The following TMEM117 variants were observed in gnomAD, a reference collection of about 807,000 sequenced individuals.
TMEM117 encodes transmembrane protein 117.
In TMEM117, 27 loss-of-function variants were observed where a neutral mutation model predicts 52.4. That is an observed-to-expected ratio of 0.51 (90% CI 0.38 to 0.71). The LOEUF (loss-of-function observed/expected upper bound fraction) is 0.71. Among genes scored for constraint, TMEM117 ranks in the 30% least tolerant of loss-of-function variants. The probability of loss-of-function intolerance (pLI) is 0.00; values close to 1 mark genes in which losing one functional copy is unlikely to be tolerated. For missense variants in TMEM117, 556 were observed against 630.5 expected (o/e 0.88, Z 1.26); for synonymous variants, 215 against 206.3 (o/e 1.04, Z -0.36).
At chr12:44,360,040 A>T (rs1951700082) in intron 6 of TMEM117, among the ~76,000 whole-genome samples, 1 of 152,210 alleles carries the variant, frequency 6.6e-6, no homozygotes, top group Admixed American at 6.6e-5. Context: ...GATTTACTTG[A>T]CTGGAACATG....
At chr12:44,170,638 A>G (rs113209647) in intron 4 of TMEM117, among the ~76,000 whole-genome samples, 3 of 152,314 alleles carry the variant, frequency 2.0e-5, no homozygotes, top group African/African-American at 7.2e-5. Context: ...AGCAAGGTCT[A>G]AATAACCAAG....
At chr12:44,201,559 C>T (rs1268598912) in intron 4 of TMEM117, among the ~76,000 whole-genome samples, 1 of 152,068 alleles carries the variant, frequency 6.6e-6, no homozygotes, top group East Asian at 1.9e-4. Context: ...TTATTCTACT[C>T]AAACTATAAA....
At chr12:43,832,747 C>A (rs1279176800), upstream of TMEM117, among the ~76,000 whole-genome samples, 1 of 152,126 alleles carries the variant, frequency 6.6e-6, no homozygotes, top group Non-Finnish European at 1.5e-5. Flanking sequence ...GGTTTCTGAT[C>A]CTTACTCTAC....
chr12:43,814,942 A>T, the TMEM117 span, among the ~76,000 whole-genome samples: 1 of 151,904 alleles, frequency 6.6e-6, no homozygotes, highest in East Asian at 1.9e-4. Flanking sequence ...ACGGGGTTTC[A>T]CCATGTTGGT....
chr12:43,864,947 C>T (rs550430523), intron 2 of TMEM117, among the ~76,000 whole-genome samples: 20 of 152,166 alleles, frequency 1.3e-4, no homozygotes, highest in South Asian at 4.2e-4. Flanking sequence ...GCAAACCCAC[C>T]GGGAGGAACG....
At chr12:44,172,404 C>A (rs952602827) in intron 4 of TMEM117, among the ~76,000 whole-genome samples, 3 of 152,130 alleles carry the variant, frequency 2.0e-5, no homozygotes, top group African/African-American at 7.2e-5. Flanking sequence ...GTAATTCACT[C>A]CCTGCCTCCA....
At chr12:44,086,980 A>C (rs1043995219) in intron 3 of TMEM117, among the ~76,000 whole-genome samples, 1 of 145,292 alleles carries the variant, frequency 6.9e-6, no homozygotes, top group Non-Finnish European at 1.5e-5. Context: ...AAATTATATA[A>C]TATATAATTA....
intron 3 of TMEM117, among the ~76,000 whole-genome samples, chr12:44,026,641 C>T (rs1369515358): frequency 1.3e-5 from 2 of 152,080 alleles, no homozygotes; most frequent in African/African-American, 4.8e-5. Flanking sequence ...AGGACTGGAA[C>T]ACTTTTATTT....
the TMEM117 span, among the ~76,000 whole-genome samples, chr12:43,799,037 T>C: frequency 6.6e-6 from 1 of 152,046 alleles, no homozygotes; most frequent in African/African-American, 2.4e-5. Flanking sequence ...AAAACAATAA[T>C]CTGCTTCAGG....
chr12:44,116,995 G>A lies in TMEM117; in HGVS notation c.411-26530G>A, dbSNP rs186692357. Among the ~76,000 whole-genome samples the A allele has an allele frequency of 7.4e-3, 1,123 of 152,200 alleles. 4 individuals carry two copies. Among genetic ancestry groups the A allele is most frequent in the Non-Finnish European group, 0.013 (858 of 68,002 alleles). ...AATAAAACACAAACTGTATCATCTG[G>A]CATCCAAGCTTAGAATCATTGAAAA... On this transcript the variant is annotated intron_variant, in intron 3 of 7. Coordinates refer to ENST00000266534, the MANE Select transcript of TMEM117 (RefSeq NM_032256.3).
intron 5 of TMEM117, among the ~76,000 whole-genome samples, chr12:44,257,588 G>C (rs2138530339): frequency 6.6e-6 from 1 of 152,158 alleles, no homozygotes; most frequent in South Asian, 2.1e-4. Flanking sequence ...CTCCTGACCA[G>C]AATTTTCACT....
chr12:44,013,722 G>T (rs571115056), intron 3 of TMEM117, among the ~76,000 whole-genome samples: 3 of 152,238 alleles, frequency 2.0e-5, no homozygotes, highest in African/African-American at 7.2e-5. Flanking sequence ...ATCAATTGCA[G>T]CTCAGATTTA....
chr12:44,062,599 G>T (rs770482042), intron 3 of TMEM117, among the ~76,000 whole-genome samples: 1 of 152,290 alleles, frequency 6.6e-6, no homozygotes, highest in Admixed American at 6.5e-5. Flanking sequence ...TTTGTTCCTT[G>T]TGAGAAGGAC....
intron 5 of TMEM117, among the ~76,000 whole-genome samples, chr12:44,228,773 C>T (rs1028625351): frequency 7.9e-5 from 12 of 151,984 alleles, no homozygotes; most frequent in Non-Finnish European, 1.5e-5. Context: ...GCCAGCATAT[C>T]CTATAGGAAG....
the TMEM117 span, among the ~76,000 whole-genome samples, chr12:43,818,046 G>T: frequency 4.6e-5 from 7 of 152,122 alleles, no homozygotes; most frequent in Non-Finnish European, 1.0e-4. Context: ...TATGGGAGAG[G>T]TTTAACTTTT....
chr12:43,873,770 C>G (rs991367103), intron 2 of TMEM117, among the ~76,000 whole-genome samples: 5 of 151,598 alleles, frequency 3.3e-5, no homozygotes, highest in African/African-American at 1.2e-4. Context: ...TTCTGAGAGC[C>G]TTTTACCAAG....
intron 2 of TMEM117, among the ~76,000 whole-genome samples, chr12:43,921,436 C>A (rs939688575): frequency 6.6e-6 from 1 of 152,070 alleles, no homozygotes; most frequent in African/African-American, 2.4e-5. Context: ...CTAGATATCC[C>A]ACTTGCTAGC....
intron 3 of TMEM117, among the ~76,000 whole-genome samples, chr12:44,130,570 C>G (rs1948398034): frequency 6.6e-6 from 1 of 152,050 alleles, no homozygotes; most frequent in Non-Finnish European, 1.5e-5. Flanking sequence ...GAGAACTATC[C>G]AGGCTTCAAT....
intron 5 of TMEM117, among the ~76,000 whole-genome samples, chr12:44,247,121 G>A (rs1030679681): frequency 6.6e-6 from 1 of 152,208 alleles, no homozygotes; most frequent in Non-Finnish European, 1.5e-5. Context: ...TATTGGCATA[G>A]GCAAAACTCC....
Sources: allele counts gnomAD v4.1 joint callset (sites outside exome capture counted in the v4.1 genomes callset), GRCh38; gene constraint gnomAD v4.1.1; transcripts MANE v1.5; gene names NCBI Gene and HGNC (gene_info 2026-07-23, HGNC 2026-07-21).